The following LIMS1 variants were observed in gnomAD, a reference collection of about 807,000 sequenced individuals.
LIMS1 encodes LIM zinc finger domain containing 1.
LIMS1 carries 18 observed loss-of-function variants against 44.1 expected under a neutral mutation model. That is an observed-to-expected ratio of 0.41 (90% CI 0.28 to 0.61). The LOEUF (loss-of-function observed/expected upper bound fraction) is 0.61, where lower values mean the gene tolerates loss of function less well. Ranked by LOEUF, LIMS1 falls within the 20% of genes least tolerant of loss-of-function variation. The pLI is 0.32. For missense variants in LIMS1, 201 were observed against 422.0 expected, an observed-to-expected ratio of 0.48 and a Z score of 4.59; for synonymous variants, 93 against 149.1, an observed-to-expected ratio of 0.62 and a Z score of 2.74.
At chr2:108,653,223 G>T (rs1016456226) in intron 1 of LIMS1, among the ~76,000 whole-genome samples, 1 of 150,480 alleles carries the variant, frequency 6.6e-6, no homozygotes, top group Non-Finnish European at 1.5e-5. Context: ...CTCACATAGG[G>T]ATTAACAACA....
At chr2:108,687,020 A>G (rs2433849) in exon 10 of LIMS1, 1 of 152,228 alleles carries the variant, frequency 6.6e-6, no homozygotes, top group Non-Finnish European at 1.5e-5. Flanking sequence ...ATGATATTCA[A>G]AGCCTTATTA....
chr2:108,635,040 A>G (rs1689141592), intron 1 of LIMS1, among the ~76,000 whole-genome samples: 1 of 152,130 alleles, frequency 6.6e-6, no homozygotes, highest in African/African-American at 2.4e-5. Flanking sequence ...AGAAAGTGCC[A>G]TGAGGATGGG....
intron 7 of LIMS1, chr2:108,677,466 T>C (rs1032268850): frequency 2.5e-5 from 4 of 160,850 alleles, no homozygotes; most frequent in African/African-American, 9.6e-5. Context: ...ATAACATCAC[T>C]GTGAATTACA....
chr2:108,562,279 G>A (rs1183856439), intron 1 of LIMS1, among the ~76,000 whole-genome samples: 1 of 152,172 alleles, frequency 6.6e-6, no homozygotes, highest in African/African-American at 2.4e-5. Context: ...TACAGTGAAA[G>A]GAAGAATCAC....
chr2:108,585,630 A>G (rs939161213), intron 1 of LIMS1, among the ~76,000 whole-genome samples: 14 of 152,156 alleles, frequency 9.2e-5, no homozygotes, highest in Middle Eastern at 3.2e-3. Context: ...GCAGAAAGCC[A>G]AGGTCAGGCT....
At chr2:108,579,840 G>A (rs1685818205) in intron 1 of LIMS1, among the ~76,000 whole-genome samples, 1 of 152,204 alleles carries the variant, frequency 6.6e-6, no homozygotes, top group African/African-American at 2.4e-5. Flanking sequence ...CCCAGAGGAA[G>A]CGACCTCTTG....
At chr2:108,671,397 C>G (rs1344304026) in intron 3 of LIMS1, among the ~76,000 whole-genome samples, 1 of 152,144 alleles carries the variant, frequency 6.6e-6, no homozygotes, top group Non-Finnish European at 1.5e-5. Context: ...GGACTCCTAT[C>G]GGGTGGCGTT....
chr2:108,561,836 G>A (rs112330891), intron 1 of LIMS1, among the ~76,000 whole-genome samples: 1 of 148,404 alleles, frequency 6.7e-6, no homozygotes, highest in South Asian at 2.2e-4. Flanking sequence ...TCTGCCTCCC[G>A]GGTTCAAGCA....
At chr2:108,570,341 A>G (rs1220533479) in intron 1 of LIMS1, among the ~76,000 whole-genome samples, 1 of 152,092 alleles carries the variant, frequency 6.6e-6, no homozygotes, top group Non-Finnish European at 1.5e-5. Context: ...GAAGTAGGAG[A>G]ATCTCTTGAA....
chr2:108,594,907 G>A (rs997972955), intron 1 of LIMS1, among the ~76,000 whole-genome samples: 1 of 151,888 alleles, frequency 6.6e-6, no homozygotes, highest in African/African-American at 2.4e-5. Context: ...AAGGTAGACA[G>A]ACTCATCCTA....
chr2:108,600,833 A>G (rs1167647271), intron 1 of LIMS1, among the ~76,000 whole-genome samples: 1 of 152,192 alleles, frequency 6.6e-6, no homozygotes, highest in Non-Finnish European at 1.5e-5. Context: ...CTTTTTGCTT[A>G]AGATAGCTTT....
chr2:108,575,058 C>G (rs1350930929), intron 1 of LIMS1, among the ~76,000 whole-genome samples: 1 of 152,126 alleles, frequency 6.6e-6, no homozygotes, highest in East Asian at 1.9e-4. Context: ...TGGCAGGATA[C>G]TCTTCTTTTG....
At chr2:108,665,759 CATTATCTG>C (rs1166592543) in intron 2 of LIMS1, among the ~76,000 whole-genome samples, 3 of 151,980 alleles carry the variant, frequency 2.0e-5, no homozygotes, top group Non-Finnish European at 4.4e-5. Context: ...CTCCTGATCT[CATTATCTG>C]CCCACCTCGG....
At chr2:108,563,355 A>G (rs1290512033) in intron 1 of LIMS1, among the ~76,000 whole-genome samples, 1 of 152,232 alleles carries the variant, frequency 6.6e-6, no homozygotes, top group Non-Finnish European at 1.5e-5. Context: ...AACCTTCTGA[A>G]AAAGATTCAC....
intron 1 of LIMS1, among the ~76,000 whole-genome samples, chr2:108,642,140 A>C (rs1218695760): frequency 6.6e-6 from 1 of 152,178 alleles, no homozygotes; most frequent in Non-Finnish European, 1.5e-5. Flanking sequence ...CCGTTTAGCC[A>C]TCAGTTATGC....
chr2:108,578,626 C>T (rs1269612994), intron 1 of LIMS1, among the ~76,000 whole-genome samples: 1 of 142,294 alleles, frequency 7.0e-6, no homozygotes, highest in Non-Finnish European at 1.5e-5. Flanking sequence ...CGGAGTCTCT[C>T]ACTGTGGCCC....
At chr2:108,660,005 A>G (rs563038044) in intron 2 of LIMS1, 73 of 422,714 alleles carry the variant, frequency 1.7e-4, no homozygotes, top group Middle Eastern at 1.6e-3. Flanking sequence ...TCATCGTCCT[A>G]TTTCAGAACC....
chr2:108,661,681 G>T (rs185560420), intron 2 of LIMS1, among the ~76,000 whole-genome samples: 3 of 152,162 alleles, frequency 2.0e-5, no homozygotes, highest in Admixed American at 1.3e-4. Flanking sequence ...GGCGTTTGCT[G>T]GTGGTAGTGG....
At chr2:108,548,170 G>A (rs569485093) in intron 1 of LIMS1, among the ~76,000 whole-genome samples, 1 of 152,314 alleles carries the variant, frequency 6.6e-6, no homozygotes, top group East Asian at 1.9e-4. Context: ...ATTTTAAAAT[G>A]ATGGATATCT....
Sources: gnomAD v4.1 joint callset for allele counts (sites outside exome capture counted in the v4.1 genomes callset) on GRCh38, gnomAD v4.1.1 for gene constraint, MANE v1.5 for transcripts, NCBI Gene and HGNC (gene_info 2026-07-23, HGNC 2026-07-21) for gene names.